IKBIP: variants seen among roughly 807,000 people sequenced by gnomAD.
IKBIP encodes inhibitor of nuclear factor kappa-B kinase-interacting protein.
A neutral mutation model predicts 31.0 loss-of-function variants in IKBIP; 28 were observed. The ratio of observed to expected loss-of-function variants is 0.90; its 90% CI spans 0.67 to 1.24. The LOEUF (loss-of-function observed/expected upper bound fraction) is 1.24. Ranked by LOEUF, IKBIP falls within the 50% of genes most tolerant of loss-of-function variation. The pLI is 0.00. For synonymous variants in IKBIP, 164 were observed against 160.3 expected (o/e 1.02, Z -0.17); for missense variants, 453 against 441.9 (o/e 1.03, Z -0.23).
intron 2 of IKBIP, among the ~76,000 whole-genome samples, chr12:98,633,724 C>A (rs560483393): frequency 4.0e-5 from 6 of 151,890 alleles, no homozygotes; most frequent in Non-Finnish European, 2.9e-5. Context: ...CCATGTTGGC[C>A]AGGCTGGTCT....
intron 2 of IKBIP, among the ~76,000 whole-genome samples, chr12:98,630,174 G>A (rs2097618601): frequency 6.6e-6 from 1 of 151,620 alleles, no homozygotes; most frequent in Admixed American, 6.6e-5. Flanking sequence ...ACCTGAGGTC[G>A]GGAGATTGAG....
intron 2 of IKBIP, among the ~76,000 whole-genome samples, chr12:98,627,343 T>C (rs2097615501): frequency 6.6e-6 from 1 of 151,790 alleles, no homozygotes; most frequent in Non-Finnish European, 1.5e-5. Context: ...TATGGAAGCA[T>C]ATACAAGAGA....
At chr12:98,639,302 G>C (rs2097628469) in intron 1 of IKBIP, among the ~76,000 whole-genome samples, 1 of 152,238 alleles carries the variant, frequency 6.6e-6, no homozygotes, top group African/African-American at 2.4e-5. Context: ...ACTTGCACTT[G>C]ATAGAAGCCC....
intron 1 of IKBIP, among the ~76,000 whole-genome samples, chr12:98,636,096 A>G (rs1182831697): frequency 6.6e-6 from 1 of 152,266 alleles, no homozygotes; most frequent in African/African-American, 2.4e-5. Context: ...AGGCTCAGAA[A>G]AAAACACTTG....
At chr12:98,633,256 G>A (rs2097622707) in intron 2 of IKBIP, among the ~76,000 whole-genome samples, 1 of 152,072 alleles carries the variant, frequency 6.6e-6, no homozygotes, top group Non-Finnish European at 1.5e-5. Context: ...CTTGGTCCCT[G>A]GTACCCAGAA....
chr12:98,623,558 C>T (rs1378111168), downstream of IKBIP, among the ~76,000 whole-genome samples: 1 of 118,260 alleles, frequency 8.5e-6, no homozygotes, highest in Non-Finnish European at 1.7e-5. Context: ...CTCCTCCTTA[C>T]ACTTTTTTTT....
intron 1 of IKBIP, among the ~76,000 whole-genome samples, chr12:98,637,591 T>C (rs2097626898): frequency 6.6e-6 from 1 of 152,164 alleles, no homozygotes; most frequent in Non-Finnish European, 1.5e-5. Context: ...GTATTTTTAG[T>C]AGAGATGGGG....
At chr12:98,627,439 CTTT>C (rs11314734) in intron 2 of IKBIP, among the ~76,000 whole-genome samples, 34 of 119,596 alleles carry the variant, frequency 2.8e-4, no homozygotes, top group South Asian at 5.3e-4. Flanking sequence ...TTTTCTTTTT[CTTT>C]TTTTTTTTTT....
At chr12:98,637,501 C>A (rs945116184) in intron 1 of IKBIP, among the ~76,000 whole-genome samples, 1 of 152,068 alleles carries the variant, frequency 6.6e-6, no homozygotes, top group South Asian at 2.1e-4. Context: ...CTCTGCCTCC[C>A]GAGTTCAAGT....
chr12:98,641,863 C>T (rs2097630812), intron 1 of IKBIP, among the ~76,000 whole-genome samples: 1 of 152,284 alleles, frequency 6.6e-6, no homozygotes, highest in Middle Eastern at 3.4e-3. Context: ...CTATGTTTCC[C>T]AGGCTGGTTT....
At chr12:98,614,202 T>C (rs2097604979) in exon 3 of IKBIP, 1 of 1,613,894 alleles carries the variant, frequency 6.2e-7, no homozygotes, top group Non-Finnish European at 8.5e-7. Context: ...GTCGTCAGAC[T>C]GTTGTTCAGT....
chr12:98,629,226 C>T (rs901537813), intron 2 of IKBIP, among the ~76,000 whole-genome samples: 18 of 152,278 alleles, frequency 1.2e-4, no homozygotes, highest in Admixed American at 1.2e-3. Flanking sequence ...ATGACTAACA[C>T]CACTCTGAAA....
chr12:98,629,935 T>G (rs1020540416), intron 2 of IKBIP, among the ~76,000 whole-genome samples: 3 of 152,202 alleles, frequency 2.0e-5, no homozygotes, highest in Non-Finnish European at 2.9e-5. Context: ...CATTTTTATT[T>G]ACTAAAAAAA....
intron 1 of IKBIP, among the ~76,000 whole-genome samples, chr12:98,636,057 C>A (rs897204164): frequency 3.3e-5 from 5 of 152,208 alleles, no homozygotes; most frequent in African/African-American, 9.6e-5. Context: ...GGATCCAATA[C>A]CATTTTGTCT....
At chr12:98,639,556 C>T (rs886846733) in intron 1 of IKBIP, among the ~76,000 whole-genome samples, 1 of 152,194 alleles carries the variant, frequency 6.6e-6, no homozygotes, top group African/African-American at 2.4e-5. Flanking sequence ...TGAGCCATTG[C>T]AGTCTATAGA....
rs1161113579 is a variant in IKBIP, at chr12:98,618,365, G to A, written c.298-4025C>T. Among the ~76,000 whole-genome samples, 6 of 151,718 alleles carry A rather than the reference G, an allele frequency of 4.0e-5. No individual in the cohort carries two copies. The South Asian group carries it at 6.3e-4, about 16-fold the overall frequency. On this transcript the variant is annotated intron_variant, in intron 2 of 2. Transcript: ENST00000342502. ...ATTGAGGCCAGGCGCGGTGGCTCAC[G>A]CCTGTAATCCCAGCACTTTGGGAGG... is the stretch of plus-strand genomic sequence containing the variant.
At chr12:98,621,553 G>C (rs114158974), downstream of IKBIP, among the ~76,000 whole-genome samples, 1,965 of 152,286 alleles carry the variant, frequency 0.013, 38 homozygotes, top group African/African-American at 0.045. Flanking sequence ...CAGATTTGTT[G>C]TGATTTTTCT....
intron 2 of IKBIP, among the ~76,000 whole-genome samples, chr12:98,633,495 CTTTT>C (rs67721403): frequency 1.1e-5 from 1 of 94,142 alleles, no homozygotes; most frequent in African/African-American, 3.8e-5. Flanking sequence ...GCTAGCCGTT[CTTTT>C]TTTTTTAATT....
At position 98,626,381 on chromosome 12, in the gene IKBIP, T is replaced by G; in HGVS notation, c.683A>C (p.Glu228Ala). 6.2e-7 allele frequency: 1 copy of G among 1,613,968 alleles called. No individual in the cohort carries two copies. The highest frequency in any genetic ancestry group is 2.2e-5 in the East Asian group (1 of 44,884). ...CTTTGTATCAGAGCCTAGCTGCTCC[T>G]CTACTCGCAGGAGATCTTCTTCTTC... is the stretch of plus-strand genomic sequence containing the variant. ...RQEEEDLLRV[E>A]EQLGSDTKAI... Residue 228 changes from glutamate to alanine, a missense_variant, in exon 3 of 3, where the codon GAG (glutamate) becomes GCG (alanine). Coordinates refer to ENST00000299157, the MANE Select transcript of IKBIP (RefSeq NM_153687.4).
Sources: gnomAD v4.1 joint callset for allele counts (sites outside exome capture counted in the v4.1 genomes callset) on GRCh38, gnomAD v4.1.1 for gene constraint, MANE v1.5 for transcripts, NCBI Gene and HGNC (gene_info 2026-07-23, HGNC 2026-07-21) for gene names.